AK8: variants seen among roughly 807,000 people sequenced by gnomAD.
AK8 encodes the protein ATP-AMP transphosphorylase 8.
Under a neutral mutation model 54.6 loss-of-function variants are expected in AK8, and 44 were observed. The observed-to-expected ratio is 0.81, with a 90% CI of 0.63 to 1.04. The LOEUF (loss-of-function observed/expected upper bound fraction) is 1.04. Ranked by LOEUF, AK8 falls within the 50% of genes least tolerant of loss-of-function variation. The pLI is 0.00. For missense variants in AK8, 555 were observed against 613.6 expected, an observed-to-expected ratio of 0.90 and a Z score of 1.01; for synonymous variants, 239 against 245.6, an observed-to-expected ratio of 0.97 and a Z score of 0.25.
chr9:132,778,464 G>C (rs1839321042), intron 11 of AK8, among the ~76,000 whole-genome samples: 1 of 152,114 alleles, frequency 6.6e-6, no homozygotes, highest in African/African-American at 2.4e-5. Context: ...GTGCTTCCTG[G>C]AAGGACCCGT....
rs71376658 is a variant in AK8, at chr9:132,814,278, C to CAAAAAAA, written c.979+353_979+359dup. 6.3e-5 allele frequency among the ~76,000 whole-genome samples: 4 copies of CAAAAAAA among 63,896 alleles called. 1 individual carries two copies. The highest frequency in any genetic ancestry group is 4.1e-4 in the Admixed American group (2 of 4,888). 41.9% of individuals were successfully genotyped at this position (63,896 alleles called of 152,430 possible). ...TGAGTGACAGATTGATACCCTGTCT[C>CAAAAAAA]AAAAAAAAAAAAAAAAAAAAAAAAA... On this transcript the variant is annotated intron_variant, in intron 10 of 12. Coordinates refer to ENST00000298545, the MANE Select transcript of AK8 (RefSeq NM_152572.3).
intron 10 of AK8, among the ~76,000 whole-genome samples, chr9:132,808,345 T>C (rs1024095481): frequency 2.0e-5 from 3 of 152,130 alleles, no homozygotes; most frequent in African/African-American, 4.8e-5. Context: ...GTCAGACCTA[T>C]ATATTTCAAA....
intron 10 of AK8, among the ~76,000 whole-genome samples, chr9:132,813,334 G>C (rs1355624200): frequency 6.6e-6 from 1 of 152,162 alleles, no homozygotes; most frequent in African/African-American, 2.4e-5. Context: ...ATCTCCCGGG[G>C]AGGCCCAAGC....
intron 10 of AK8, among the ~76,000 whole-genome samples, chr9:132,797,691 C>A (rs12380018): frequency 0.2 from 30,706 of 152,102 alleles, 3,361 homozygotes; most frequent in East Asian, 0.43. Context: ...ATGTGTTTAA[C>A]GTTTTCCACT....
At chr9:132,776,365 C>G (rs1214041261) in intron 11 of AK8, among the ~76,000 whole-genome samples, 1 of 152,216 alleles carries the variant, frequency 6.6e-6, no homozygotes, top group Non-Finnish European at 1.5e-5. Flanking sequence ...CAGGCCTGGG[C>G]CAAATTCCGC....
chr9:132,830,556 T>C (rs1842065863), intron 5 of AK8, among the ~76,000 whole-genome samples: 1 of 152,248 alleles, frequency 6.6e-6, no homozygotes, highest in Non-Finnish European at 1.5e-5. Flanking sequence ...ATTTGGATTT[T>C]TTTTTCTTTT....
chr9:132,852,647 G>C (rs1278284082), intron 5 of AK8, among the ~76,000 whole-genome samples: 1 of 150,844 alleles, frequency 6.6e-6, no homozygotes, highest in Admixed American at 6.6e-5. Flanking sequence ...GTGTATGCCT[G>C]TAACTCCAGC....
chr9:132,847,929 T>C (rs183776676), intron 5 of AK8, among the ~76,000 whole-genome samples: 25 of 151,570 alleles, frequency 1.6e-4, no homozygotes, highest in East Asian at 1.4e-3. Flanking sequence ...CTGGGCAACA[T>C]TGGGAGACCA....
chr9:132,753,306 G>C (rs1455212243), intron 11 of AK8, among the ~76,000 whole-genome samples: 1 of 152,218 alleles, frequency 6.6e-6, no homozygotes, highest in Non-Finnish European at 1.5e-5. Context: ...CCTATGCTAG[G>C]GGCTGGGCCT....
intron 12 of AK8, among the ~76,000 whole-genome samples, chr9:132,727,246 G>T (rs1352738169): frequency 6.6e-6 from 1 of 152,166 alleles, no homozygotes; most frequent in African/African-American, 2.4e-5. Flanking sequence ...TGTTGCTTTA[G>T]ACATAAATTT....
intron 5 of AK8, among the ~76,000 whole-genome samples, chr9:132,843,280 G>GCCTCCC (rs1158762039): frequency 3.9e-5 from 6 of 151,976 alleles, no homozygotes; most frequent in Non-Finnish European, 8.8e-5. Flanking sequence ...AGTGTGTGGC[G>GCCTCCC]CCTCCCCCTC....
chr9:132,878,773 C>T, upstream of AK8: 3 of 985,662 alleles, frequency 3.0e-6, no homozygotes, highest in Non-Finnish European at 3.6e-6. This position sits in a 1 kb window ranked among gnomAD's most constrained non-coding sequence, Gnocchi z 4.7. Flanking sequence ...TAGAGTCGAG[C>T]CCCGGTAGAC....
chr9:132,857,741 G>T (rs1843230448), intron 4 of AK8, among the ~76,000 whole-genome samples: 1 of 152,218 alleles, frequency 6.6e-6, no homozygotes, highest in Admixed American at 6.5e-5. Flanking sequence ...AAAGAGCACC[G>T]GCTGAAAGGC....
chr9:132,763,962 A>G (rs1303631011), intron 11 of AK8, among the ~76,000 whole-genome samples: 1 of 152,246 alleles, frequency 6.6e-6, no homozygotes, highest in Non-Finnish European at 1.5e-5. Flanking sequence ...CTAGAAAAGC[A>G]AAAACTAACC....
intron 5 of AK8, among the ~76,000 whole-genome samples, chr9:132,843,323 C>T (rs1842616469): frequency 6.6e-6 from 1 of 152,114 alleles, no homozygotes; most frequent in Non-Finnish European, 1.5e-5. Context: ...GCTCTGGCCA[C>T]ATGATGTGCC....
intron 9 of AK8, among the ~76,000 whole-genome samples, chr9:132,820,566 A>G (rs920854840): frequency 6.6e-6 from 1 of 152,166 alleles, no homozygotes; most frequent in African/African-American, 2.4e-5. Flanking sequence ...TGAGTGTTGG[A>G]GCAGAATAAA....
rs139630914 is a variant in AK8, at chr9:132,727,522, C to A, written c.1134G>T (p.Leu378=). Residue 378 remains leucine, a synonymous_variant, in exon 12 of 13, where the codon CTG becomes CTT. Coordinates refer to ENST00000298545, the MANE Select transcript of AK8 (RefSeq NM_152572.3). ...LGYNPNRVFF[L]NVPFDSIMER... ...CCATGATGGAATCAAATGGCACATT[C>A]AGGAAAAACACCCTATAAGGAAATA... The A allele has an allele frequency of 8.3e-4, 1,343 of 1,613,864 alleles. 10 individuals carry two copies. In the African/African-American group the frequency reaches 0.016, roughly 19 times the overall value.
chr9:132,738,404 C>T (rs1206368688), intron 11 of AK8, among the ~76,000 whole-genome samples: 2 of 152,022 alleles, frequency 1.3e-5, no homozygotes, highest in African/African-American at 2.4e-5. Flanking sequence ...TTCCCAATGA[C>T]TGTTCAACTC....
At chr9:132,853,730 G>A (rs780705347) in intron 5 of AK8, among the ~76,000 whole-genome samples, 1 of 132,958 alleles carries the variant, frequency 7.5e-6, no homozygotes, top group African/African-American at 2.7e-5. Flanking sequence ...AGGTTGCAGT[G>A]AGCAGTGATC....
Sources: gnomAD v4.1 joint callset for allele counts (sites outside exome capture counted in the v4.1 genomes callset) on GRCh38, gnomAD v4.1.1 for gene constraint, Gnocchi (gnomAD v3.1) non-coding constraint, MANE v1.5 for transcripts, NCBI Gene and HGNC (gene_info 2026-07-23, HGNC 2026-07-21) for gene names.